The following ZSCAN5A variants were observed in gnomAD, a reference collection of about 807,000 sequenced individuals.
ZSCAN5A encodes zinc finger and SCAN domain containing 5A, also known as zinc finger and SCAN domain-containing protein 5A.
In ZSCAN5A, 12 loss-of-function variants were observed where a neutral mutation model predicts 23.7. The observed-to-expected ratio is 0.51, with a 90% CI of 0.32 to 0.82. ZSCAN5A has a LOEUF of 0.82. ZSCAN5A is among the 40% of genes least tolerant of loss of function. The pLI is 0.03. For synonymous variants in ZSCAN5A, 257 were observed against 239.9 expected, an observed-to-expected ratio of 1.07 and a Z score of -0.66; for missense variants, 597 against 617.9, an observed-to-expected ratio of 0.97 and a Z score of 0.36.
At position 56,225,116 on chromosome 19, in the gene ZSCAN5A, A is replaced by G. The variant is rs1250946162; in HGVS notation, c.-70T>C. The G allele has an allele frequency of 1.2e-5, 18 of 1,511,892 alleles. No homozygotes were observed. The highest frequency in any genetic ancestry group is 8.0e-5 in the South Asian group (6 of 75,120). The allele number at this position is 1,511,892 out of a possible 1,614,324, so 93.7% of individuals were successfully genotyped here. ...AGTAGCTGGTATCTAATTGATACCT[A>G]TCTACACAGGCTTCCTCTGGTTTTC... is the stretch of plus-strand genomic sequence containing the variant. On this transcript the variant is annotated 5_prime_UTR_variant, in exon 3 of 6. Coordinates refer to ENST00000683990, the MANE Select transcript of ZSCAN5A (RefSeq NM_001322064.3).
chr19:56,273,845 A>G (rs2038041930), intron 2 of ZSCAN5A, among the ~76,000 whole-genome samples: 1 of 152,042 alleles, frequency 6.6e-6, no homozygotes, highest in African/African-American at 2.4e-5. Flanking sequence ...TCAGCAAAGG[A>G]GTGTCATATT....
chr19:56,336,809 A>G (rs1273619868), intron 2 of ZSCAN5A, among the ~76,000 whole-genome samples: 1 of 152,002 alleles, frequency 6.6e-6, no homozygotes, highest in African/African-American at 2.4e-5. Context: ...AACAGTCAGG[A>G]CCCTCAGCTG....
At chr19:56,333,651 A>G (rs1010464223) in intron 2 of ZSCAN5A, among the ~76,000 whole-genome samples, 8 of 152,060 alleles carry the variant, frequency 5.3e-5, no homozygotes, top group Non-Finnish European at 1.2e-4. Flanking sequence ...GTAAACAATA[A>G]TAAAGTATAT....
chr19:56,223,522 G>A (rs2033530899), intron 4 of ZSCAN5A, 109 bp downstream of exon 4: 2 of 1,121,686 alleles, frequency 1.8e-6, no homozygotes, highest in African/African-American at 1.6e-5. Context: ...CATGGGGAAT[G>A]GCTCTAATCT....
intron 2 of ZSCAN5A, among the ~76,000 whole-genome samples, chr19:56,359,467 A>G (rs761619626): frequency 2.0e-5 from 3 of 152,240 alleles, no homozygotes; most frequent in Non-Finnish European, 4.4e-5. Context: ...GCCCAGGACC[A>G]GATGGATTTA....
chr19:56,259,609 G>A (rs568045901), intron 2 of ZSCAN5A, among the ~76,000 whole-genome samples: 1 of 152,324 alleles, frequency 6.6e-6, no homozygotes, highest in South Asian at 2.1e-4. Context: ...TGTTTGAGTA[G>A]CTAAAAATGG....
At chr19:56,284,513 A>AT (rs11374260) in intron 2 of ZSCAN5A, among the ~76,000 whole-genome samples, 18,495 of 117,680 alleles carry the variant, frequency 0.16, 1,931 homozygotes, top group Middle Eastern at 0.19. Context: ...GCTTGCTGTA[A>AT]TTTTTTTTTT....
chr19:56,329,007 A>AT (rs1235612743), intron 2 of ZSCAN5A, among the ~76,000 whole-genome samples: 2 of 137,782 alleles, frequency 1.5e-5, no homozygotes, highest in East Asian at 4.2e-4. Context: ...AAAAAAAAAA[A>AT]AATAAATAAA....
At chr19:56,282,162 T>C (rs901727258) in intron 2 of ZSCAN5A, among the ~76,000 whole-genome samples, 1 of 152,106 alleles carries the variant, frequency 6.6e-6, no homozygotes, top group Admixed American at 6.5e-5. Context: ...CAGTCTCCGG[T>C]TGAGAAGTGG....
At chr19:56,263,891 T>C (rs746148768) in intron 2 of ZSCAN5A, among the ~76,000 whole-genome samples, 1 of 152,166 alleles carries the variant, frequency 6.6e-6, no homozygotes, top group Non-Finnish European at 1.5e-5. Context: ...TATTGCTAAG[T>C]GTTTTACAAC....
intron 2 of ZSCAN5A, among the ~76,000 whole-genome samples, chr19:56,349,478 C>T (rs552912370): frequency 1.2e-4 from 18 of 152,118 alleles, no homozygotes; most frequent in Admixed American, 1.0e-3. Context: ...GGGCGGATTA[C>T]GAGGTCAGGA....
At chr19:56,247,793 A>G (rs1030455647) in intron 2 of ZSCAN5A, among the ~76,000 whole-genome samples, 15 of 151,968 alleles carry the variant, frequency 9.9e-5, no homozygotes, top group Admixed American at 9.2e-4. Flanking sequence ...CCAGGTTCAC[A>G]TCATTCTCCT....
chr19:56,231,996 C>CTTTTTT (rs59525392), intron 2 of ZSCAN5A, among the ~76,000 whole-genome samples: 3 of 124,984 alleles, frequency 2.4e-5, no homozygotes, highest in Admixed American at 9.0e-5. Context: ...TTTTTCTTTT[C>CTTTTTT]TTTTTTTTTG....
chr19:56,255,864 C>T (rs1426223383), intron 2 of ZSCAN5A, among the ~76,000 whole-genome samples: 1 of 152,144 alleles, frequency 6.6e-6, no homozygotes, highest in African/African-American at 2.4e-5. Flanking sequence ...TTGTTAACTG[C>T]TGGCCTCAAG....
intron 3 of ZSCAN5A, chr19:56,224,373 A>G (rs1029202413): frequency 4.3e-6 from 2 of 466,772 alleles, no homozygotes; most frequent in African/African-American, 2.0e-5. Flanking sequence ...CTGCCTGTCC[A>G]TCTCCTACAC....
chr19:56,252,592 G>A (rs2036421815), intron 2 of ZSCAN5A, among the ~76,000 whole-genome samples: 1 of 152,198 alleles, frequency 6.6e-6, no homozygotes, highest in African/African-American at 2.4e-5. Flanking sequence ...CTCCCCACTG[G>A]CACTAGAAGA....
At chr19:56,252,451 G>C (rs1436349798) in intron 2 of ZSCAN5A, among the ~76,000 whole-genome samples, 1 of 152,176 alleles carries the variant, frequency 6.6e-6, no homozygotes, top group East Asian at 1.9e-4. Context: ...TTTCTGAAGA[G>C]AGCAGAGTGG....
chr19:56,286,005 A>G (rs1014994164), intron 2 of ZSCAN5A, among the ~76,000 whole-genome samples: 7 of 152,120 alleles, frequency 4.6e-5, no homozygotes, highest in Admixed American at 4.6e-4. Context: ...CTTCAGCAGC[A>G]TGGGATATTA....
chr19:56,247,412 T>C (rs61743928), intron 2 of ZSCAN5A: 2,992 of 179,012 alleles, frequency 0.017, 94 homozygotes, highest in African/African-American at 0.068. Flanking sequence ...CCCAAGTGTC[T>C]AAGAGCCTTT....
Sources: gnomAD v4.1 joint callset for allele counts (sites outside exome capture counted in the v4.1 genomes callset) on GRCh38, gnomAD v4.1.1 for gene constraint, MANE v1.5 for transcripts, NCBI Gene and HGNC (gene_info 2026-07-23, HGNC 2026-07-21) for gene names.